AFG2A: variants seen among roughly 807,000 people sequenced by gnomAD.
AFG2A encodes AAA ATPase AFG2A, also known as ATPase family gene 2 protein homolog A.
chr4:123,169,595 CA>C, the AFG2A span, among the ~76,000 whole-genome samples: 3 of 152,184 alleles, frequency 2.0e-5, no homozygotes, highest in African/African-American at 7.2e-5. Context: ...TCTCTTGCCT[CA>C]GCCTCCCAAG....
At chr4:123,084,557 A>C in the AFG2A span, among the ~76,000 whole-genome samples, 1 of 150,684 alleles carries the variant, frequency 6.6e-6, no homozygotes, top group Non-Finnish European at 1.5e-5. Context: ...TATATCTATA[A>C]AACTAGTGTA....
At chr4:123,027,787 T>C in the AFG2A span, among the ~76,000 whole-genome samples, 1 of 152,200 alleles carries the variant, frequency 6.6e-6, no homozygotes, top group Non-Finnish European at 1.5e-5. Flanking sequence ...AAAAATATGC[T>C]TGGAAGTAGT....
chr4:123,053,423 T>C, the AFG2A span, among the ~76,000 whole-genome samples: 1,843 of 152,298 alleles, frequency 0.012, 42 homozygotes, highest in African/African-American at 0.041. Flanking sequence ...ACAGGCAGGA[T>C]GGGCTGCTAA....
the AFG2A span, among the ~76,000 whole-genome samples, chr4:123,166,594 T>C: frequency 2.9e-4 from 44 of 152,294 alleles, no homozygotes; most frequent in South Asian, 6.8e-3. Flanking sequence ...GGATGCTAAA[T>C]GGTTAGGGAA....
At chr4:123,070,157 A>T in the AFG2A span, among the ~76,000 whole-genome samples, 2 of 152,234 alleles carry the variant, frequency 1.3e-5, no homozygotes, top group African/African-American at 4.8e-5. Flanking sequence ...ATATTTATGT[A>T]TCACACACCC....
chr4:123,154,198 T>C, the AFG2A span, among the ~76,000 whole-genome samples: 1 of 152,074 alleles, frequency 6.6e-6, no homozygotes, highest in African/African-American at 2.4e-5. Flanking sequence ...TTAGACAATG[T>C]GAAGATTTGA....
chr4:123,310,869 T>TA, the AFG2A span, among the ~76,000 whole-genome samples: 2 of 152,166 alleles, frequency 1.3e-5, no homozygotes, highest in East Asian at 1.9e-4. Context: ...CCTTTATAAA[T>TA]AAAAAGAAAC....
chr4:123,143,186 A>G, the AFG2A span, among the ~76,000 whole-genome samples: 1 of 150,994 alleles, frequency 6.6e-6, no homozygotes, highest in African/African-American at 2.5e-5. Flanking sequence ...TTTCCAGAAA[A>G]AAAAAAGAAA....
chr4:123,041,103 T>A, the AFG2A span, among the ~76,000 whole-genome samples: 1,383 of 151,170 alleles, frequency 9.1e-3, 9 homozygotes, highest in Non-Finnish European at 0.014. Context: ...TTTTATAATT[T>A]TTTATTTATT....
the AFG2A span, among the ~76,000 whole-genome samples, chr4:123,180,978 C>CTTTTTTTTTTTTTTT: frequency 8.4e-6 from 1 of 118,366 alleles, no homozygotes. Flanking sequence ...TCCTCCCCCT[C>CTTTTTTTTTTTTTTT]TTTTTTTTTT....
At chr4:122,950,874 G>C in the AFG2A span, among the ~76,000 whole-genome samples, 6 of 152,206 alleles carry the variant, frequency 3.9e-5, no homozygotes, top group Non-Finnish European at 7.4e-5. Flanking sequence ...GGCCTGGGGT[G>C]TTCCTGTGCA....
chr4:122,976,782 T>C, the AFG2A span, among the ~76,000 whole-genome samples: 17 of 152,214 alleles, frequency 1.1e-4, no homozygotes, highest in African/African-American at 3.9e-4. Context: ...GTAATTCTAG[T>C]TTGAATGTAT....
At chr4:123,254,939 A>G in the AFG2A span, among the ~76,000 whole-genome samples, 3 of 152,124 alleles carry the variant, frequency 2.0e-5, no homozygotes, top group African/African-American at 7.2e-5. Context: ...CTTAACTCAG[A>G]TATAGATACA....
chr4:122,987,468 T>C, the AFG2A span, among the ~76,000 whole-genome samples: 2 of 152,164 alleles, frequency 1.3e-5, no homozygotes, highest in Non-Finnish European at 2.9e-5. Context: ...TTTATTGTTT[T>C]CTGTTTTGTA....
At chr4:123,070,747 A>T in the AFG2A span, among the ~76,000 whole-genome samples, 2 of 152,182 alleles carry the variant, frequency 1.3e-5, no homozygotes. Flanking sequence ...GATCCTTCGC[A>T]TGTTTTGACT....
the AFG2A span, among the ~76,000 whole-genome samples, chr4:123,083,350 C>A: frequency 6.6e-6 from 1 of 151,850 alleles, no homozygotes; most frequent in East Asian, 1.9e-4. Context: ...TTTGTTTTTA[C>A]CAATAATGGG....
chr4:123,216,559 C>A, the AFG2A span, among the ~76,000 whole-genome samples: 1 of 151,578 alleles, frequency 6.6e-6, no homozygotes, highest in African/African-American at 2.4e-5. Flanking sequence ...AAGTAGATTA[C>A]AAAACTATAA....
At chr4:123,256,379 T>C in the AFG2A span, among the ~76,000 whole-genome samples, 4 of 152,218 alleles carry the variant, frequency 2.6e-5, no homozygotes, top group Non-Finnish European at 5.9e-5. Flanking sequence ...TGTTTTTTAC[T>C]TGCTCCTATT....
chr4:122,942,695 C>G, the AFG2A span, among the ~76,000 whole-genome samples: 2,119 of 151,942 alleles, frequency 0.014, 49 homozygotes, highest in African/African-American at 0.047. Context: ...TGTGTTTGCT[C>G]TTGCTTTTCT....
Sources: allele counts gnomAD v4.1 joint callset (sites outside exome capture counted in the v4.1 genomes callset), GRCh38; gene constraint gnomAD v4.1.1; transcripts MANE v1.5; gene names NCBI Gene and HGNC (gene_info 2026-07-23, HGNC 2026-07-21).